Variants in TERT observed in about 807,000 individuals in gnomAD.
TERT encodes telomerase reverse transcriptase, also known as telomerase catalytic subunit.
A neutral mutation model predicts 104.0 loss-of-function variants in TERT; 42 were observed. The ratio of observed to expected loss-of-function variants is 0.40; its 90% CI spans 0.32 to 0.52. The LOEUF (loss-of-function observed/expected upper bound fraction) is 0.52. Among genes scored for constraint, TERT ranks in the 20% least tolerant of loss-of-function variants. The pLI, the probability that TERT is intolerant of heterozygous loss-of-function variation, is 0.43. For synonymous variants in TERT, 781 were observed against 725.6 expected, an observed-to-expected ratio of 1.08 and a Z score of -1.23; for missense variants, 1,101 against 1,610.3, an observed-to-expected ratio of 0.68 and a Z score of 5.41.
Position 1,293,677 on chromosome 5 carries a change from G to A in TERT, c.1209C>T (p.Cys403=), listed in dbSNP as rs1166313699. ...FLELLGNHAQ[C]PYGVLLKTHC... The stretch of plus-strand genomic sequence containing the variant: ...GCGTCTTGAGGAGCACCCCGTAGGG[G>A]CACTGCGCGTGGTTCCCAAGCAGCT... The change falls in exon 2 of 16, where the codon TGC becomes TGT. Residue 403 remains cysteine, a synonymous_variant. Transcript: ENST00000310581. 1.3e-6 allele frequency: 2 copies of A among 1,570,400 alleles called. No individual in the cohort carries two copies. The highest frequency in any genetic ancestry group is 1.3e-5 in the African/African-American group (1 of 74,354).
intron 3 of TERT, among the ~76,000 whole-genome samples, chr5:1,280,568 C>A (rs983664240): frequency 6.6e-6 from 1 of 152,148 alleles, no homozygotes; most frequent in Non-Finnish European, 1.5e-5. Flanking sequence ...ACCCTGGGGA[C>A]GCCCAGTCCG....
Position 1,284,873 on chromosome 5 carries a change from G to A in TERT, c.1574-2249C>T, listed in dbSNP as rs866167476. ...CCAGCTCACCGCACGGTCTGGCACC[G>A]TCTGGCGACCTCACTCCAGACCTGC... On this transcript the variant is annotated intron_variant, in intron 2 of 15. Coordinates refer to ENST00000310581, the MANE Select transcript of TERT (RefSeq NM_198253.3). Among the ~76,000 whole-genome samples the A allele has an allele frequency of 8.0e-5, 11 of 137,892 alleles. 1 individual carries two copies. The highest frequency in any genetic ancestry group is 8.4e-5 in the African/African-American group (3 of 35,758). The allele number at this position is 137,892 out of a possible 152,430, so 90.5% of individuals were successfully genotyped here.
rs1176093960 is a variant in TERT, at chr5:1,282,462, C to A, written c.1736G>T (p.Ser579Ile). The A allele has an allele frequency of 1.2e-6, 2 of 1,614,076 alleles. No individual in the cohort carries two copies. Among genetic ancestry groups the A allele is most frequent in the Non-Finnish European group, 1.7e-6 (2 of 1,180,040 alleles). The change falls in exon 3 of 16, where the codon AGT becomes ATT. Residue 579 changes from serine (S) to isoleucine (I), a missense_variant. Physicochemically the swap from Ser to Ile is moderately radical, Grantham distance 142. Coordinates refer to ENST00000310581, the MANE Select transcript of TERT (RefSeq NM_198253.3). ...QKNRLFFYRK[S>I]VWSKLQSIGI... ...AATGCTTTGCAACTTGCTCCAGACA[C>A]TCTTCCGGTAGAAAAAGAGCCTGTT...
intron 6 of TERT, 42 bp downstream of exon 6, chr5:1,278,599 G>T (rs370462492): frequency 6.2e-6 from 10 of 1,613,550 alleles, no homozygotes; most frequent in African/African-American, 1.3e-5. Flanking sequence ...TCATATCCCA[G>T]AGACACACAT....
chr5:1,264,266 G>A (rs993231492), intron 11 of TERT, 138 bp downstream of exon 11: 37 of 884,150 alleles, frequency 4.2e-5, no homozygotes, highest in Admixed American at 3.3e-4. Context: ...CAGATGGGAC[G>A]AGGGGCACCC....
At chr5:1,285,717 C>A (rs1175486415) in intron 2 of TERT, among the ~76,000 whole-genome samples, 1 of 151,394 alleles carries the variant, frequency 6.6e-6, no homozygotes, top group African/African-American at 2.4e-5. Flanking sequence ...TTACAGGCAC[C>A]CGCCACCACG....
intron 9 of TERT, 39 bp from the exon 10 acceptor site, chr5:1,266,574 AC>A (rs1294449960): frequency 8.7e-6 from 13 of 1,498,676 alleles, no homozygotes; most frequent in Non-Finnish European, 1.0e-5. Flanking sequence ...TTAACTTTAC[AC>A]TTTTTACGTA....
intron 2 of TERT, among the ~76,000 whole-genome samples, chr5:1,285,540 T>C (rs534602718): frequency 6.6e-6 from 1 of 152,124 alleles, no homozygotes; most frequent in East Asian, 1.9e-4. Context: ...CTTTTCTTTT[T>C]TACTTTTTTA....
At chr5:1,291,772 A>G (rs1431977092) in intron 2 of TERT, among the ~76,000 whole-genome samples, 1 of 151,456 alleles carries the variant, frequency 6.6e-6, no homozygotes, top group East Asian at 2.0e-4. Context: ...CCCGGGGACC[A>G]CGCCTCACTC....
In TERT at chr5:1,261,245, A is replaced by G. The variant is rs1748205898; in HGVS notation, c.2844-645T>C. Among the ~76,000 whole-genome samples, 1 of 152,244 alleles carries G rather than the reference A, an allele frequency of 6.6e-6. No homozygotes were observed. Among genetic ancestry groups the G allele is most frequent in the African/African-American group, 2.4e-5 (1 of 41,462 alleles). On this transcript the variant is annotated intron_variant, in intron 11 of 15. Coordinates refer to ENST00000310581, the MANE Select transcript of TERT (RefSeq NM_198253.3). This position sits in a 1 kb window ranked among gnomAD's most constrained non-coding sequence, Gnocchi z 7.4. ...TGTTCTTTTACATCCAGCTTTGAAC[A>G]CTGCTACATTGAAATAAACGTTTTG...
At chr5:1,259,710 G>A (rs1748067094) in intron 12 of TERT, among the ~76,000 whole-genome samples, 1 of 137,596 alleles carries the variant, frequency 7.3e-6, no homozygotes, top group Non-Finnish European at 1.6e-5. Flanking sequence ...GGAGAGACGA[G>A]TGGATGCAGA....
chr5:1,256,389 CA>C lies in TERT; in HGVS notation c.3033-979del, dbSNP rs1747729841. On this transcript the variant is annotated intron_variant, in intron 13 of 15. Coordinates refer to ENST00000310581, the MANE Select transcript of TERT (RefSeq NM_198253.3). This position sits in a 1 kb window ranked among gnomAD's most constrained non-coding sequence, Gnocchi z 7.0. ...GTGCACAGACCTGGCTACCATGAAA[CA>C]GCACATGTGCACATGTGCTCATATG... Among the ~76,000 whole-genome samples, 1 of 152,074 alleles carries C rather than the reference CA, an allele frequency of 6.6e-6. No homozygotes were observed. The highest frequency in any genetic ancestry group is 2.4e-5 in the African/African-American group (1 of 41,394).
chr5:1,259,214 AG>A (rs972836938), intron 12 of TERT, among the ~76,000 whole-genome samples: 1 of 126,984 alleles, frequency 7.9e-6, no homozygotes, highest in Non-Finnish European at 1.6e-5. Flanking sequence ...CACACAGGAG[AG>A]GGAGTGGACG....
chr5:1,262,351 T>C lies in TERT; in HGVS notation c.2844-1751A>G, dbSNP rs1451027454. On this transcript the variant is annotated intron_variant, in intron 11 of 15. Coordinates refer to ENST00000310581, the MANE Select transcript of TERT (RefSeq NM_198253.3). The surrounding 1 kb of genome is among the most constrained non-coding windows in gnomAD (Gnocchi z 5.6). ...ATAGGGCTTCCGTTTTGTTCTATTG[T>C]TCTGTCCATCAGTTCTGACCACATT... 6.6e-6 allele frequency among the ~76,000 whole-genome samples: 1 copy of C among 152,252 alleles called. No individual in the cohort carries two copies. Among genetic ancestry groups the C allele is most frequent in the Non-Finnish European group, 1.5e-5 (1 of 68,044 alleles).
chr5:1,283,577 CG>C (rs1243082707), intron 2 of TERT, among the ~76,000 whole-genome samples: 3 of 141,234 alleles, frequency 2.1e-5, no homozygotes, highest in Middle Eastern at 4.5e-3. Context: ...TCCAGCTCAC[CG>C]AAGGCCTTGG....
chr5:1,292,433 A>C lies in TERT; in HGVS notation c.1573+880T>G, dbSNP rs1030240023. On this transcript the variant is annotated intron_variant, in intron 2 of 15. Transcript: ENST00000310581. This position sits in a 1 kb window ranked among gnomAD's most constrained non-coding sequence, Gnocchi z 5.5. ...CCTCTGCTCCCATGTGGCCCTCTTC[A>C]TACCTAAAGATGGGACCAGGATCTG... Among the ~76,000 whole-genome samples, 16 of 152,110 alleles carry C rather than the reference A, an allele frequency of 1.1e-4. No individual in the cohort carries two copies. The highest frequency in any genetic ancestry group is 3.9e-4 in the African/African-American group (16 of 41,406).
In TERT at chr5:1,265,713, G is replaced by GGGTTTTCA. The variant is rs1748545814; in HGVS notation, c.2654+750_2654+751insTGAAAACC. The stretch of plus-strand genomic sequence containing the variant: ...AATGGGTTTTCACAAACACAGCCCA[G>GGGTTTTCA]CAAAGCACCTGAAACCACCCCTGGC... On this transcript the variant is annotated intron_variant, in intron 10 of 15. Coordinates refer to ENST00000310581, the MANE Select transcript of TERT (RefSeq NM_198253.3). The surrounding 1 kb of genome is among the most constrained non-coding windows in gnomAD (Gnocchi z 6.9). Among the ~76,000 whole-genome samples the GGGTTTTCA allele has an allele frequency of 6.6e-6, 1 of 152,124 alleles. No homozygotes were observed.
chr5:1,280,560 C>T (rs989816373), intron 3 of TERT, among the ~76,000 whole-genome samples: 1 of 152,144 alleles, frequency 6.6e-6, no homozygotes, highest in African/African-American at 2.4e-5. Flanking sequence ...TATAGTCAAC[C>T]CTGGGGACGC....
In TERT at chr5:1,294,957, G is replaced by GCTCCC; in HGVS notation, c.32_33insGGGAG (p.Ser12GlyfsTer68). On this transcript the variant is annotated frameshift_variant, in exon 1 of 16. Coordinates refer to ENST00000310581, the MANE Select transcript of TERT (RefSeq NM_198253.3). LOFTEE classifies it high-confidence loss of function. ...CGCGGTAGTGGCTGCGCAGCAGGGA[G>GCTCCC]CGCACGGCTCGGCAGCGGGGAGCGC... is the stretch of plus-strand genomic sequence containing the variant. 7.3e-7 allele frequency: 1 copy of GCTCCC among 1,376,536 alleles called. No individual in the cohort carries two copies. Among genetic ancestry groups the GCTCCC allele is most frequent in the Non-Finnish European group, 9.3e-7 (1 of 1,071,308 alleles). 85.3% of individuals were successfully genotyped at this position (1,376,536 alleles called of 1,614,324 possible). A position where few individuals can be genotyped will look rare whatever the true frequency, so the allele number is the denominator to read the frequency against.
Sources: allele counts gnomAD v4.1 joint callset (sites outside exome capture counted in the v4.1 genomes callset), GRCh38; gene constraint gnomAD v4.1.1; non-coding constraint Gnocchi (gnomAD v3.1); transcripts MANE v1.5; gene names NCBI Gene and HGNC (gene_info 2026-07-23, HGNC 2026-07-21).